MATN2: variants seen among roughly 807,000 people sequenced by gnomAD.
The protein encoded by MATN2 is matrilin 2.
A neutral mutation model predicts 103.2 loss-of-function variants in MATN2; 69 were observed. The ratio of observed to expected loss-of-function variants is 0.67; its 90% CI spans 0.55 to 0.82. The LOEUF (loss-of-function observed/expected upper bound fraction) is 0.82, where lower values mean the gene tolerates loss of function less well. MATN2 is among the 40% of genes least tolerant of loss of function. The pLI, the probability that MATN2 is intolerant of heterozygous loss-of-function variation, is 0.00. For missense variants in MATN2, 1,023 were observed against 1,211.5 expected, an observed-to-expected ratio of 0.84 and a Z score of 2.31; for synonymous variants, 429 against 450.2, an observed-to-expected ratio of 0.95 and a Z score of 0.60.
intron 12 of MATN2, among the ~76,000 whole-genome samples, chr8:98,019,120 T>TATACAC (rs1554615481): frequency 1.3e-5 from 2 of 150,128 alleles, no homozygotes; most frequent in Non-Finnish European, 3.0e-5. Flanking sequence ...TATATATATA[T>TATACAC]ACACACACAT....
chr8:97,983,436 T>C (rs1434725509), intron 6 of MATN2, among the ~76,000 whole-genome samples: 5 of 152,170 alleles, frequency 3.3e-5, no homozygotes, highest in Non-Finnish European at 5.9e-5. Flanking sequence ...GAGATCTAGA[T>C]TGAAACCCTT....
intron 7 of MATN2, among the ~76,000 whole-genome samples, chr8:97,998,859 T>G (rs1460443969): frequency 5.9e-5 from 9 of 152,250 alleles, no homozygotes; most frequent in Non-Finnish European, 2.9e-5. Flanking sequence ...TAACATAAAA[T>G]GTACCATTTT....
Position 98,016,469 on chromosome 8 carries a change from A to G in MATN2, c.1574-71A>G, listed in dbSNP as rs113783269. On this transcript the variant is annotated intron_variant, in intron 10 of 18. Transcript: ENST00000254898. ...ATTCAAAGTGTCTGAAATGTCTTTTATGATTGAATAAGCCACTAATATATG... is the reference window on the plus strand; with the variant it reads ...ATTCAAAGTGTCTGAAATGTCTTTTGTGATTGAATAAGCCACTAATATATG... The G allele has an allele frequency of 1.6e-4, 217 of 1,356,008 alleles. No individual in the cohort carries two copies. The African/African-American group carries it at 2.6e-3, about 16-fold the overall frequency. 84.0% of individuals were successfully genotyped at this position (1,356,008 alleles called of 1,614,324 possible).
intron 10 of MATN2, among the ~76,000 whole-genome samples, chr8:98,014,989 C>G (rs1813310814): frequency 6.6e-6 from 1 of 152,142 alleles, no homozygotes. Context: ...CACCACTCAC[C>G]TATCCTCAGT....
intron 10 of MATN2, among the ~76,000 whole-genome samples, chr8:98,011,818 A>ACGTTGCCCCACTGTTGCTG (rs1242705434): frequency 6.6e-6 from 1 of 152,124 alleles, no homozygotes; most frequent in Non-Finnish European, 1.5e-5. Context: ...TCCACAGAAC[A>ACGTTGCCCCACTGTTGCTG]CGTTGCCCCA....
intron 2 of MATN2, among the ~76,000 whole-genome samples, chr8:97,909,484 T>C (rs571960902): frequency 3.1e-4 from 47 of 152,266 alleles, no homozygotes; most frequent in Non-Finnish European, 6.0e-4. Flanking sequence ...GGCTGGGGAA[T>C]CTTTAGATGA....
intron 2 of MATN2, among the ~76,000 whole-genome samples, chr8:97,922,943 C>T (rs529722854): frequency 6.6e-6 from 1 of 152,250 alleles, no homozygotes; most frequent in South Asian, 2.1e-4. Flanking sequence ...ATCCCCAGGC[C>T]CTGGCATACA....
chr8:97,901,758 T>C (rs1005568287), intron 2 of MATN2, among the ~76,000 whole-genome samples: 3 of 152,162 alleles, frequency 2.0e-5, no homozygotes, highest in African/African-American at 7.2e-5. Flanking sequence ...CATGGGTGCA[T>C]AGGATCAGCA....
At chr8:97,924,052 C>T (rs1188055081) in intron 2 of MATN2, among the ~76,000 whole-genome samples, 6 of 152,220 alleles carry the variant, frequency 3.9e-5, no homozygotes, top group Non-Finnish European at 7.3e-5. Context: ...CTCAATTCCT[C>T]TATTTCCTGC....
intron 7 of MATN2, 123 bp from the exon 8 acceptor site, chr8:98,003,538 C>A: frequency 1.9e-6 from 2 of 1,037,118 alleles, no homozygotes; most frequent in Non-Finnish European, 2.9e-6. Context: ...TCCGTCCCGG[C>A]TTGCCTCAGC....
chr8:97,880,916 C>A (rs1818234182), intron 1 of MATN2, among the ~76,000 whole-genome samples: 1 of 152,120 alleles, frequency 6.6e-6, no homozygotes, highest in Admixed American at 6.5e-5. Flanking sequence ...AGACTGACTG[C>A]CTGAGAGGTG....
intron 1 of MATN2, among the ~76,000 whole-genome samples, chr8:97,886,135 A>G (rs1005696706): frequency 2.0e-5 from 3 of 152,166 alleles, no homozygotes; most frequent in African/African-American, 7.2e-5. Context: ...CCTTATGAGA[A>G]TCTAATGCCT....
At chr8:97,949,228 G>T in intron 4 of MATN2, among the ~76,000 whole-genome samples, 1 of 148,508 alleles carries the variant, frequency 6.7e-6, no homozygotes, top group Non-Finnish European at 1.5e-5. Context: ...GGAGTGCAGT[G>T]GCGTGATCTC....
chr8:97,948,015 T>C (rs1810810436), intron 4 of MATN2, among the ~76,000 whole-genome samples: 1 of 152,224 alleles, frequency 6.6e-6, no homozygotes. Context: ...TTCATTAACA[T>C]TGAAAGCTAT....
At position 97,985,817 on chromosome 8, in the gene MATN2, C is replaced by T. The variant is rs370840432; in HGVS notation, c.1081+6809C>T. ...CTCCTGAGCTCAAGCAGTCCTTCTG[C>T]CTTGGTCTCCCAAGTTTTGAGATTA... On this transcript the variant is annotated intron_variant, in intron 6 of 18. Transcript: ENST00000254898. 1.6e-3 allele frequency among the ~76,000 whole-genome samples: 238 copies of T among 152,320 alleles called. 1 individual carries two copies. The highest frequency in any genetic ancestry group is 5.3e-3 in the African/African-American group (220 of 41,564).
Position 97,888,056 on chromosome 8 carries a change from T to G in MATN2, c.-26-19T>G, listed in dbSNP as rs1333747056. On this transcript the variant is annotated intron_variant, in intron 1 of 18. Transcript: ENST00000254898. ...CGGAAATCTCACCCTGCCCTCTTCT[T>G]GTGTTGTGTTTGTCACAGCCTTGCC... is the stretch of plus-strand genomic sequence containing the variant. 6.3e-7 allele frequency: 1 copy of G among 1,590,896 alleles called. No individual in the cohort carries two copies. The highest frequency in any genetic ancestry group is 1.8e-5 in the Admixed American group (1 of 55,630).
intron 5 of MATN2, among the ~76,000 whole-genome samples, chr8:97,973,569 ATCTT>A (rs1212249473): frequency 7.9e-6 from 1 of 126,448 alleles, no homozygotes; most frequent in African/African-American, 3.1e-5. Flanking sequence ...ATATTTACAA[ATCTT>A]TTTTTTTTTT....
At chr8:97,967,527 T>C (rs1361614967) in intron 5 of MATN2, among the ~76,000 whole-genome samples, 1 of 152,048 alleles carries the variant, frequency 6.6e-6, no homozygotes, top group Non-Finnish European at 1.5e-5. Flanking sequence ...AAGGGAGAAA[T>C]TGGCCAAAAC....
At chr8:98,031,185 A>G (rs1245119271) in intron 15 of MATN2, among the ~76,000 whole-genome samples, 1 of 152,084 alleles carries the variant, frequency 6.6e-6, no homozygotes, top group Non-Finnish European at 1.5e-5. Flanking sequence ...AAAAAATTTA[A>G]CAATTAGCTA....
Sources: gnomAD v4.1 joint callset for allele counts (sites outside exome capture counted in the v4.1 genomes callset) on GRCh38, gnomAD v4.1.1 for gene constraint, MANE v1.5 for transcripts, NCBI Gene and HGNC (gene_info 2026-07-23, HGNC 2026-07-21) for gene names.